The following CLSPN variants were observed in gnomAD, a reference collection of about 807,000 sequenced individuals.
The protein encoded by CLSPN is claspin homolog.
In CLSPN, 85 loss-of-function variants were observed where a neutral mutation model predicts 156.3. The ratio of observed to expected loss-of-function variants is 0.54; its 90% CI spans 0.46 to 0.65. The LOEUF (loss-of-function observed/expected upper bound fraction) is 0.65. CLSPN is among the 30% of genes least tolerant of loss of function. The pLI is 0.00. For missense variants in CLSPN, 1,407 were observed against 1,554.9 expected (o/e 0.90, Z 1.60); for synonymous variants, 534 against 542.4 (o/e 0.98, Z 0.22).
Position 35,733,251 on chromosome 1 carries a change from A to G in CLSPN, c.*3245T>C, listed in dbSNP as rs1557495990. ...CCAAAGTGCTGAGATTACAGGCATA[A>G]GCCACCACGCCCAGCCCAGAAACCA... On this transcript the variant is annotated 3_prime_UTR_variant, in exon 25 of 25. Coordinates refer to ENST00000318121, the MANE Select transcript of CLSPN (RefSeq NM_022111.4). Among the ~76,000 whole-genome samples the G allele has an allele frequency of 6.6e-6, 1 of 151,634 alleles. No individual in the cohort carries two copies. The highest frequency in any genetic ancestry group is 1.5e-5 in the Non-Finnish European group (1 of 67,968).
At chr1:35,737,930 C>T in intron 22 of CLSPN, 62 bp downstream of exon 22, 1 of 912,600 alleles carries the variant, frequency 1.1e-6, no homozygotes, top group Non-Finnish European at 1.6e-6. Context: ...GTTAGAGTCA[C>T]CTCCAAAGCT....
In CLSPN at chr1:35,765,291, T is replaced by C. The variant is rs1245551285; in HGVS notation, c.60A>G (p.Ser20=). Residue 20 remains serine (S), a synonymous_variant, in exon 2 of 25, where the codon TCA becomes TCG. Coordinates refer to ENST00000318121, the MANE Select transcript of CLSPN (RefSeq NM_022111.4). ...HLEINDPNVI[S]QEEADSPSDS... is the part of the protein sequence containing the mutation. ...CTGAAGGACTATCTGCTTCCTCTTG[T>C]GAAATGACGTTTGGGTCATTGATTT... 4 of 1,613,768 alleles carry C rather than the reference T, an allele frequency of 2.5e-6. No individual in the cohort carries two copies. Among genetic ancestry groups the C allele is most frequent in the Non-Finnish European group, 3.4e-6 (4 of 1,179,898 alleles).
At chr1:35,738,897 T>C (rs1641584768) in intron 20 of CLSPN, among the ~76,000 whole-genome samples, 1 of 150,644 alleles carries the variant, frequency 6.6e-6, no homozygotes, top group Non-Finnish European at 1.5e-5. Context: ...GTCTCCCGGG[T>C]TCACGCAATT....
At position 35,738,442 on chromosome 1, in the gene CLSPN, G is replaced by C. The variant is rs1356756634; in HGVS notation, c.3558+13C>G. On this transcript the variant is annotated intron_variant, in intron 21 of 24. Transcript: ENST00000318121. The stretch of plus-strand genomic sequence containing the variant: ...AGTCTCATAAACTAGGGTCAGAGTA[G>C]GTGAACTCCTACCATGTCCCGAAGC... 5 of 1,613,146 alleles carry C rather than the reference G, an allele frequency of 3.1e-6. No individual in the cohort carries two copies. In the African/African-American group the frequency reaches 4.0e-5, roughly 13 times the overall value.
downstream of CLSPN, among the ~76,000 whole-genome samples, chr1:35,729,731 C>T (rs903053290): frequency 6.6e-6 from 1 of 152,214 alleles, no homozygotes; most frequent in South Asian, 2.1e-4. Context: ...GACTATGGAG[C>T]TTTGTTGGGG....
At chr1:35,737,175 T>A (rs1641504285) in intron 23 of CLSPN, 100 bp from the exon 24 acceptor site, 1 of 1,298,108 alleles carries the variant, frequency 7.7e-7, no homozygotes, top group Non-Finnish European at 1.1e-6. Flanking sequence ...AGGGTACATA[T>A]GCCTACCCTA....
chr1:35,760,892 A>G lies in CLSPN; in HGVS notation c.1029T>C (p.His343=). 1 of 1,611,568 alleles carries G rather than the reference A, an allele frequency of 6.2e-7. No homozygotes were observed. Among genetic ancestry groups the G allele is most frequent in the Non-Finnish European group, 8.5e-7 (1 of 1,178,202 alleles). Residue 343 remains histidine, a synonymous_variant, in exon 8 of 25, where the codon CAT becomes CAC. Transcript: ENST00000318121. ...TTGCAGTGTCTATGATTTCTTTGTGATGGCTTGACTGATATTTAGATGACC... is the reference window on the plus strand; with the variant it reads ...TTGCAGTGTCTATGATTTCTTTGTGGTGGCTTGACTGATATTTAGATGACC... ...LLKSSKYQSS[H]HKEIIDTANT...
At chr1:35,721,049 C>T in intron 24 of CLSPN, 1 of 1,092,894 alleles carries the variant, frequency 9.2e-7, no homozygotes, top group Non-Finnish European at 1.4e-6. Context: ...GATAATGTTG[C>T]AGACCCTGTT....
chr1:35,748,145 G>T, intron 13 of CLSPN, 84 bp from the exon 14 acceptor site: 1 of 1,490,088 alleles, frequency 6.7e-7, no homozygotes, highest in Non-Finnish European at 9.1e-7. Flanking sequence ...GTTGCTATTT[G>T]CAATATTTAA....
In CLSPN at chr1:35,738,111, AAAATATATAT is replaced by A. The variant is rs768842272; in HGVS notation, c.3559-24_3559-15del. 2.6e-3 allele frequency: 1,624 copies of A among 615,654 alleles called. 32 individuals are homozygous for A. The highest frequency in any genetic ancestry group is 0.018 in the East Asian group (434 of 24,340). The allele number at this position is 615,654 out of a possible 1,614,324, so 38.1% of individuals were successfully genotyped here. On this transcript the variant is annotated splice_polypyrimidine_tract_variant and intron_variant, in intron 21 of 24. Coordinates refer to ENST00000318121, the MANE Select transcript of CLSPN (RefSeq NM_022111.4). The stretch of plus-strand genomic sequence containing the variant: ...CCCCTGCTGTGCCTGAAAAAAAAAA[AAAATATATAT>A]ATATATATATATATATATACAGCAT...
chr1:35,748,531 C>A lies in CLSPN; in HGVS notation c.2346G>T (p.Thr782=). 6.2e-7 allele frequency: 1 copy of A among 1,614,120 alleles called. No homozygotes were observed. Among genetic ancestry groups the A allele is most frequent in the Non-Finnish European group, 8.5e-7 (1 of 1,179,990 alleles). ...HNSSFELIGS[T]IPSYQPCNRQ... is the part of the protein sequence containing the mutation. The stretch of plus-strand genomic sequence containing the variant: ...TGTTGCAAGGCTGATAGGATGGAAT[C>A]GTGGAGCCAATCAGCTCAAAGCTGC... Residue 782 remains threonine (T), a synonymous_variant, in exon 13 of 25, where the codon ACG becomes ACT. Transcript: ENST00000318121.
intron 24 of CLSPN, among the ~76,000 whole-genome samples, chr1:35,725,798 C>T (rs187752344): frequency 7.6e-4 from 116 of 152,214 alleles, no homozygotes; most frequent in Non-Finnish European, 1.2e-3. Context: ...GGGCATGTGC[C>T]GAGGGGAGGA....
In CLSPN at chr1:35,733,437, G is replaced by A. The variant is rs1210811013; in HGVS notation, c.*3059C>T. ...CCTAAAGTGCTGGCGTGAGCCACCG[G>A]ACCTGGCTGAATTTTCTTATCCTCA... On this transcript the variant is annotated 3_prime_UTR_variant, in exon 25 of 25. Transcript: ENST00000318121. 2.1e-5 allele frequency: 21 copies of A among 983,216 alleles called. No individual in the cohort carries two copies. The highest frequency in any genetic ancestry group is 2.5e-5 in the Non-Finnish European group (21 of 828,666). The allele number at this position is 983,216 out of a possible 1,614,324, so 60.9% of individuals were successfully genotyped here. A position where few individuals can be genotyped will look rare whatever the true frequency, so the allele number is the denominator to read the frequency against.
intron 1 of CLSPN, among the ~76,000 whole-genome samples, chr1:35,767,397 G>A (rs1389963406): frequency 2.0e-5 from 3 of 152,136 alleles, no homozygotes; most frequent in Non-Finnish European, 4.4e-5. Context: ...AATCCTGTGA[G>A]AGGAAAAATG....
intron 24 of CLSPN, among the ~76,000 whole-genome samples, chr1:35,725,937 T>G (rs1208233530): frequency 6.6e-6 from 1 of 151,994 alleles, no homozygotes; most frequent in African/African-American, 2.4e-5. Context: ...CGGCAATCAT[T>G]GCAGTTCAGA....
rs1641907162 is a variant in CLSPN, at chr1:35,747,004, T to C, written c.2628-12A>G. On this transcript the variant is annotated splice_polypyrimidine_tract_variant and intron_variant, in intron 14 of 24. Coordinates refer to ENST00000318121, the MANE Select transcript of CLSPN (RefSeq NM_022111.4). ...TAACATTTAAGAACCTAAGAACCAA[T>C]GAGCACAACGAATAGTGTAAAAAAT... 6.2e-7 allele frequency: 1 copy of C among 1,603,698 alleles called. No individual in the cohort carries two copies. The highest frequency in any genetic ancestry group is 8.5e-7 in the Non-Finnish European group (1 of 1,170,780).
chr1:35,748,764 A>G lies in CLSPN; in HGVS notation c.2273-160T>C, dbSNP rs1641980697. 7.7e-6 allele frequency: 5 copies of G among 650,778 alleles called. No individual in the cohort carries two copies. The Admixed American group carries it at 1.3e-4, about 16-fold the overall frequency. The allele number at this position is 650,778 out of a possible 1,614,324, so 40.3% of individuals were successfully genotyped here. ...AAGTTAAAGGTAAATTACAGTACTA[A>G]GATAGCATTATATAATCAGGGCTTA... On this transcript the variant is annotated intron_variant, in intron 12 of 24. Coordinates refer to ENST00000318121, the MANE Select transcript of CLSPN (RefSeq NM_022111.4).
chr1:35,723,283 A>G (rs765821634), intron 24 of CLSPN, among the ~76,000 whole-genome samples: 4 of 152,214 alleles, frequency 2.6e-5, no homozygotes, highest in Non-Finnish European at 5.9e-5. Flanking sequence ...TATCAGCCTG[A>G]ACAGGGCTTT....
intron 12 of CLSPN, chr1:35,748,817 GTTC>G (rs1641983377): frequency 1.2e-5 from 4 of 346,976 alleles, no homozygotes; most frequent in East Asian, 5.4e-5. Context: ...ACACTTGAAA[GTTC>G]TTTTTTTTTT....
Sources: allele counts gnomAD v4.1 joint callset (sites outside exome capture counted in the v4.1 genomes callset), GRCh38; gene constraint gnomAD v4.1.1; transcripts MANE v1.5; gene names NCBI Gene and HGNC (gene_info 2026-07-23, HGNC 2026-07-21).